FHIT: variants seen among roughly 807,000 people sequenced by gnomAD.
FHIT encodes bis(5'-adenosyl)-triphosphatase.
FHIT carries 19 observed loss-of-function variants against 17.9 expected under a neutral mutation model. That is an observed-to-expected ratio of 1.06 (90% CI 0.74 to 1.56). The LOEUF is 1.56. Among genes scored for constraint, FHIT ranks in the 40% most tolerant of loss-of-function variants. The probability of loss-of-function intolerance (pLI) is 0.00; values close to 1 mark genes in which losing one functional copy is unlikely to be tolerated. For synonymous variants in FHIT, 81 were observed against 69.7 expected, an observed-to-expected ratio of 1.16 and a Z score of -0.81; for missense variants, 248 against 189.2, an observed-to-expected ratio of 1.31 and a Z score of -1.82.
At chr3:60,352,914 G>A (rs1445884701) in intron 5 of FHIT, among the ~76,000 whole-genome samples, 2 of 152,052 alleles carry the variant, frequency 1.3e-5, no homozygotes, top group East Asian at 1.9e-4. Flanking sequence ...GAGTGGCCTC[G>A]CATTCTCAGT....
At chr3:60,699,472 G>T (rs1287678202) in intron 4 of FHIT, among the ~76,000 whole-genome samples, 2 of 151,958 alleles carry the variant, frequency 1.3e-5, no homozygotes, top group African/African-American at 4.8e-5. Flanking sequence ...TAACTAATGG[G>T]GCTGAGAGTT....
In FHIT at chr3:59,755,462, G is replaced by GAGAAAGCCCTA. The variant is rs1207854049; in HGVS notation, c.349-3152_349-3142dup. ...TGCAACTTCTTGCCTGGCTAACGGAGAGAAAGCCCTAATGATCTTAAATAG... is the reference window on the plus strand; with the variant it reads ...TGCAACTTCTTGCCTGGCTAACGGAGAGAAAGCCCTAAGAAAGCCCTAATGATCTTAAATAG... On this transcript the variant is annotated intron_variant, in intron 8 of 9. Transcript: ENST00000492590. 2.0e-5 allele frequency among the ~76,000 whole-genome samples: 3 copies of GAGAAAGCCCTA among 152,230 alleles called. No individual in the cohort carries two copies. In the East Asian group the frequency reaches 5.8e-4, roughly 29 times the overall value.
chr3:59,939,640 C>T (rs1343465280), intron 7 of FHIT, among the ~76,000 whole-genome samples: 1 of 152,186 alleles, frequency 6.6e-6, no homozygotes, highest in Non-Finnish European at 1.5e-5. Flanking sequence ...GTCTTCTAGG[C>T]GTTGGCTTAG....
intron 5 of FHIT, among the ~76,000 whole-genome samples, chr3:60,019,413 T>C (rs1374003937): frequency 2.3e-5 from 3 of 131,088 alleles, no homozygotes; most frequent in South Asian, 3.0e-4. Flanking sequence ...GTTGAGATGC[T>C]CCTTTTTTTT....
chr3:60,097,137 C>A (rs937345611), intron 5 of FHIT, among the ~76,000 whole-genome samples: 1 of 151,850 alleles, frequency 6.6e-6, no homozygotes, highest in South Asian at 2.1e-4. Context: ...GTAAGGACAC[C>A]CATTGGCCAG....
intron 8 of FHIT, among the ~76,000 whole-genome samples, chr3:59,905,596 A>T (rs1236785868): frequency 6.6e-6 from 1 of 152,234 alleles, no homozygotes; most frequent in Admixed American, 6.5e-5. Context: ...CTCAGATTTT[A>T]AAAAATGGTT....
At chr3:60,520,684 C>T (rs1302075501) in intron 5 of FHIT, among the ~76,000 whole-genome samples, 3 of 152,150 alleles carry the variant, frequency 2.0e-5, no homozygotes, top group South Asian at 4.1e-4. Context: ...TCAAAGAGGA[C>T]ACTAACATGG....
chr3:59,857,003 A>G (rs1246849281), intron 8 of FHIT, among the ~76,000 whole-genome samples: 1 of 152,188 alleles, frequency 6.6e-6, no homozygotes, highest in Non-Finnish European at 1.5e-5. Flanking sequence ...TAAGTTGCAA[A>G]AAGTCACGCT....
chr3:59,954,974 C>T (rs1009566177), intron 7 of FHIT, among the ~76,000 whole-genome samples: 1 of 152,178 alleles, frequency 6.6e-6, no homozygotes, highest in Non-Finnish European at 1.5e-5. Context: ...GTACTGTTTG[C>T]TAGTTTTCTG....
chr3:60,767,720 T>C (rs1433389665), intron 4 of FHIT, among the ~76,000 whole-genome samples: 1 of 152,236 alleles, frequency 6.6e-6, no homozygotes, highest in African/African-American at 2.4e-5. Flanking sequence ...TGGCAAGCTC[T>C]AGATTAGAAT....
chr3:60,053,514 A>G (rs1426695666), intron 5 of FHIT, among the ~76,000 whole-genome samples: 5 of 151,828 alleles, frequency 3.3e-5, no homozygotes, highest in South Asian at 4.2e-4. Flanking sequence ...TGAACTGGCT[A>G]TGGCAAAACA....
intron 5 of FHIT, among the ~76,000 whole-genome samples, chr3:60,282,158 G>A (rs62248472): frequency 0.062 from 9,399 of 152,186 alleles, 422 homozygotes; most frequent in South Asian, 0.1. Flanking sequence ...AAGTTCCTAA[G>A]CATTTACTCA....
At chr3:59,860,732 A>G (rs1305989687) in intron 8 of FHIT, among the ~76,000 whole-genome samples, 1 of 152,186 alleles carries the variant, frequency 6.6e-6, no homozygotes, top group Non-Finnish European at 1.5e-5. Flanking sequence ...TACAGGGTAG[A>G]ACAGAATAAA....
intron 5 of FHIT, among the ~76,000 whole-genome samples, chr3:60,184,060 T>A (rs956074249): frequency 1.3e-5 from 2 of 151,744 alleles, no homozygotes; most frequent in Non-Finnish European, 2.9e-5. Flanking sequence ...TGATCAGAGC[T>A]CACTGCAGCC....
rs368875225 is a variant in FHIT at position 60,140,608 on chromosome 3, C to T, written c.104-126456G>A. ...TTTTTTTTTTTTTGAGACAGAGTTTCGCTATTGTTGTCCAGGCTGTAGTGC... is the reference window on the plus strand; with the variant it reads ...TTTTTTTTTTTTTGAGACAGAGTTTTGCTATTGTTGTCCAGGCTGTAGTGC... On this transcript the variant is annotated intron_variant, in intron 5 of 9. Coordinates refer to ENST00000492590, the MANE Select transcript of FHIT (RefSeq NM_002012.4). 5.0e-5 allele frequency among the ~76,000 whole-genome samples: 7 copies of T among 140,120 alleles called. No individual in the cohort carries two copies. In the East Asian group the frequency reaches 1.1e-3, roughly 21 times the overall value. The allele number at this position is 140,120 out of a possible 152,430, so 91.9% of individuals were successfully genotyped here.
intron 5 of FHIT, among the ~76,000 whole-genome samples, chr3:60,459,395 G>C (rs1262290151): frequency 6.6e-6 from 1 of 152,126 alleles, no homozygotes; most frequent in Non-Finnish European, 1.5e-5. Context: ...AGAGTGGGTT[G>C]GGAAAAATGA....
intron 3 of FHIT, among the ~76,000 whole-genome samples, chr3:60,977,853 G>A (rs573489312): frequency 3.3e-4 from 50 of 152,216 alleles, no homozygotes; most frequent in African/African-American, 1.2e-3. Context: ...CCTGGACAAC[G>A]AGAGCGAAAC....
At chr3:60,234,525 T>C (rs1704669229) in intron 5 of FHIT, among the ~76,000 whole-genome samples, 2 of 152,314 alleles carry the variant, frequency 1.3e-5, no homozygotes, top group South Asian at 2.1e-4. Flanking sequence ...CAGTTTATGA[T>C]TGCTATATCT....
chr3:60,494,519 T>C (rs2121864), intron 5 of FHIT, among the ~76,000 whole-genome samples: 117,252 of 152,036 alleles, frequency 0.77, 45,272 homozygotes, highest in Middle Eastern at 0.87. Flanking sequence ...TAAATCATTA[T>C]TGACTACAGT....
Sources: allele counts gnomAD v4.1 joint callset (sites outside exome capture counted in the v4.1 genomes callset), GRCh38; gene constraint gnomAD v4.1.1; transcripts MANE v1.5; gene names NCBI Gene and HGNC (gene_info 2026-07-23, HGNC 2026-07-21).